ZNF473: variants seen among roughly 807,000 people sequenced by gnomAD.
The protein encoded by ZNF473 is zinc finger protein 100 homolog.
In ZNF473, 4 loss-of-function variants were observed where a neutral mutation model predicts 11.1. The ratio of observed to expected loss-of-function variants is 0.36; its 90% confidence interval spans 0.18 to 0.82. ZNF473 has a LOEUF of 0.82. Among genes scored for constraint, ZNF473 ranks in the 40% least tolerant of loss-of-function variants. The pLI, the probability that ZNF473 is intolerant of heterozygous loss-of-function variation, is 0.49. For synonymous variants in ZNF473, 404 were observed against 390.4 expected (o/e 1.03, Z -0.41); for missense variants, 854 against 1,084.0 (o/e 0.79, Z 2.98).
rs936714469 is a variant in ZNF473, at chr19:50,044,913, G to T, written c.470G>T (p.Ser157Ile). 1 of 1,614,120 alleles carries T rather than the reference G, an allele frequency of 6.2e-7. No homozygotes were observed. Among genetic ancestry groups the T allele is most frequent in the Non-Finnish European group, 8.5e-7 (1 of 1,180,050 alleles). The change falls in exon 5 of 5, where the codon AGT (serine) becomes ATT (isoleucine). Residue 157 changes from serine (S) to isoleucine (I), a missense_variant. Coordinates refer to ENST00000270617, the MANE Select transcript of ZNF473 (RefSeq NM_015428.4). ...CKSHELKRGL[S>I]PVSTVSTGED... ...AGTCATGAATTAAAGAGAGGACTCAGTCCTGTGTCCACCGTTTCCACGGGA... is the reference window on the plus strand; with the variant it reads ...AGTCATGAATTAAAGAGAGGACTCATTCCTGTGTCCACCGTTTCCACGGGA...
intron 2 of ZNF473, among the ~76,000 whole-genome samples, chr19:50,031,567 C>A (rs887681491): frequency 3.3e-5 from 5 of 152,130 alleles, no homozygotes; most frequent in Admixed American, 2.0e-4. Flanking sequence ...TCAGTTCCCC[C>A]ACCCTTCCCT....
intron 2 of ZNF473, among the ~76,000 whole-genome samples, chr19:50,034,555 C>T (rs1009093970): frequency 3.9e-5 from 6 of 152,080 alleles, no homozygotes; most frequent in East Asian, 1.9e-4. Context: ...ATAGCCCTCT[C>T]GCATCCCCAA....
chr19:50,031,899 T>C (rs941910839), intron 2 of ZNF473, among the ~76,000 whole-genome samples: 1 of 151,904 alleles, frequency 6.6e-6, no homozygotes, highest in African/African-American at 2.4e-5. Context: ...CCAGGAAGCT[T>C]TCCCTGACCT....
chr19:50,041,967 T>G lies in ZNF473; in HGVS notation c.226+148T>G, dbSNP rs1243795764. On this transcript the variant is annotated intron_variant, in intron 4 of 4. Coordinates refer to ENST00000270617, the MANE Select transcript of ZNF473 (RefSeq NM_015428.4). ...CTGCTTCTCGCTGGCTTCCATCCCC[T>G]TGTCCTGGGAGCTGGGGGGATCAGG... is the stretch of plus-strand genomic sequence containing the variant. The G allele has an allele frequency of 9.8e-6, 6 of 611,500 alleles. No individual in the cohort carries two copies. The East Asian group carries it at 1.6e-4, about 17-fold the overall frequency. The allele number at this position is 611,500 out of a possible 1,614,324, so 37.9% of individuals were successfully genotyped here.
At chr19:50,032,623 G>C (rs1034171404) in intron 2 of ZNF473, among the ~76,000 whole-genome samples, 6 of 152,112 alleles carry the variant, frequency 3.9e-5, no homozygotes, top group African/African-American at 1.4e-4. Context: ...ACTTTATTGC[G>C]GGTGACAGTG....
chr19:50,043,012 C>T (rs906325332), intron 4 of ZNF473, among the ~76,000 whole-genome samples: 6 of 152,136 alleles, frequency 3.9e-5, no homozygotes, highest in African/African-American at 1.4e-4. Context: ...GAGCCAAGAA[C>T]TGCACAAGGG....
Position 50,047,279 on chromosome 19 carries a change from TAA to T in ZNF473, c.*222_*223del, listed in dbSNP as rs1236373318. 24 of 510,288 alleles carry T rather than the reference TAA, an allele frequency of 4.7e-5. No homozygotes were observed. The highest frequency in any genetic ancestry group is 6.7e-5 in the Admixed American group (2 of 29,974). The allele number at this position is 510,288 out of a possible 1,614,324, so 31.6% of individuals were successfully genotyped here. A position where few individuals can be genotyped will look rare whatever the true frequency, so the allele number is the denominator to read the frequency against. On this transcript the variant is annotated 3_prime_UTR_variant, in exon 5 of 5. Transcript: ENST00000270617. ...GCTCTGGAGCCAGTCTACCTTGAGT[TAA>T]ATCCCACCTCTGCCATCTACTACCT...
rs926599940 is a variant in ZNF473, at chr19:50,044,800, C to T, written c.357C>T (p.Asp119=). 23 of 1,614,096 alleles carry T rather than the reference C, an allele frequency of 1.4e-5. No individual in the cohort carries two copies. In the East Asian group the frequency reaches 5.1e-4, roughly 36 times the overall value. Residue 119 remains aspartate, a synonymous_variant, in exon 5 of 5, where the codon GAC becomes GAT. Coordinates refer to ENST00000270617, the MANE Select transcript of ZNF473 (RefSeq NM_015428.4). ...ATTTCGGAGAAGCCTGTATAGAGGA[C>T]ACCTGGTTAGATAGTTTGCTAGGCG... is the stretch of plus-strand genomic sequence containing the variant. ...NSNFGEACIE[D]TWLDSLLGDP... is the part of the protein sequence containing the mutation.
chr19:50,041,991 G>C (rs965359283), intron 4 of ZNF473, 172 bp downstream of exon 4: 35 of 520,914 alleles, frequency 6.7e-5, no homozygotes, highest in Non-Finnish European at 7.7e-5. Flanking sequence ...GGGGGGATCA[G>C]GACATTTTTA....
Position 50,039,395 on chromosome 19 carries a change from A to G in ZNF473, c.136+108A>G. The G allele has an allele frequency of 7.0e-7, 1 of 1,426,060 alleles. No individual in the cohort carries two copies. The highest frequency in any genetic ancestry group is 2.4e-5 in the East Asian group (1 of 42,248). The allele number at this position is 1,426,060 out of a possible 1,614,324, so 88.3% of individuals were successfully genotyped here. A position where few individuals can be genotyped will look rare whatever the true frequency, so the allele number is the denominator to read the frequency against. On this transcript the variant is annotated intron_variant, in intron 3 of 4. Coordinates refer to ENST00000270617, the MANE Select transcript of ZNF473 (RefSeq NM_015428.4). This position sits in a 1 kb window ranked among gnomAD's most constrained non-coding sequence, Gnocchi z 4.8. ...CCTGGCTCCTGGGCTCCTCAGAATC[A>G]GCATGACCTAGCCCAGCAGTTCTCA...
rs1362511096 is a variant in ZNF473, at chr19:50,041,628, G to A, written c.137-102G>A. 7.8e-6 allele frequency: 8 copies of A among 1,029,156 alleles called. No individual in the cohort carries two copies. In the East Asian group the frequency reaches 1.3e-4, roughly 17 times the overall value. 63.8% of individuals were successfully genotyped at this position (1,029,156 alleles called of 1,614,324 possible). A position where few individuals can be genotyped will look rare whatever the true frequency, so the allele number is the denominator to read the frequency against. On this transcript the variant is annotated intron_variant, in intron 3 of 4. Transcript: ENST00000270617. ...CGTCCACACACAGGAGCCACGTGCA[G>A]GATAAAGCATAGAAAAGTCAGGAGA...
At chr19:50,029,906 C>T (rs137893677) in intron 1 of ZNF473, among the ~76,000 whole-genome samples, 7 of 151,602 alleles carry the variant, frequency 4.6e-5, no homozygotes, top group East Asian at 1.9e-4. Context: ...GGCTGGAGTG[C>T]GGTGGCACCA....
chr19:50,037,815 T>G (rs528939451), intron 2 of ZNF473, among the ~76,000 whole-genome samples: 64 of 149,714 alleles, frequency 4.3e-4, no homozygotes, highest in African/African-American at 1.4e-3. Context: ...TCTCTCTCTC[T>G]CTCGCTCGCT....
At position 50,045,590 on chromosome 19, in the gene ZNF473, A is replaced by T; in HGVS notation, c.1147A>T (p.Ile383Phe). The T allele has an allele frequency of 6.2e-7, 1 of 1,614,090 alleles. No individual in the cohort carries two copies. ...CTCTGAGTGTCAGGAGTGTGGGAAG[A>T]TTTTTAGGCACAGTTCGCTGCTCAT... The part of the protein sequence containing the change: ...TTSECQECGK[I>F]FRHSSLLIEH... The change falls in exon 5 of 5, where the codon ATT becomes TTT. Residue 383 changes from isoleucine (I) to phenylalanine (F), a missense_variant. By Grantham distance (21) the Ile-to-Phe change is conservative (BLOSUM62 0). Around this residue, in one of 2 missense-constraint regions of ZNF473, gnomAD observed 668 missense variants for 790.2 expected, o/e 0.85. Transcript: ENST00000270617.
In ZNF473 at chr19:50,041,884, A is replaced by T. The variant is rs556844330; in HGVS notation, c.226+65A>T. On this transcript the variant is annotated intron_variant, in intron 4 of 4. Transcript: ENST00000270617. ...TTCCAGACCTCCATCCTGAGGCTGCAGCCAGCTTTCCCACAGGTCTACCGA... is the reference window on the plus strand; with the variant it reads ...TTCCAGACCTCCATCCTGAGGCTGCTGCCAGCTTTCCCACAGGTCTACCGA... 2.1e-5 allele frequency: 28 copies of T among 1,359,158 alleles called. 1 individual carries two copies. The South Asian group carries it at 3.7e-4, about 18-fold the overall frequency. The allele number at this position is 1,359,158 out of a possible 1,614,324, so 84.2% of individuals were successfully genotyped here.
intron 2 of ZNF473, among the ~76,000 whole-genome samples, chr19:50,038,886 A>G (rs2278282): frequency 0.39 from 59,001 of 152,054 alleles, 12,550 homozygotes; most frequent in East Asian, 0.74. Flanking sequence ...GCAAAAGCGT[A>G]AAATAGATTT....
rs1271386181 is a variant in ZNF473 at position 50,031,017 on chromosome 19, T to G, written c.-66T>G. ...AGCTCCCTTGTGCTTCCCACAGCCC[T>G]GCCAGCCGGGAACACGGAGGGGAAG... is the stretch of plus-strand genomic sequence containing the variant. On this transcript the variant is annotated 5_prime_UTR_variant, in exon 2 of 5. Transcript: ENST00000270617. 4.5e-6 allele frequency: 7 copies of G among 1,552,404 alleles called. No homozygotes were observed. The highest frequency in any genetic ancestry group is 1.4e-5 in the African/African-American group (1 of 73,068).
intron 2 of ZNF473, among the ~76,000 whole-genome samples, chr19:50,037,836 G>C (rs1001332018): frequency 1.3e-4 from 20 of 149,566 alleles, no homozygotes; most frequent in South Asian, 1.0e-3. Context: ...CTCTCTCTCT[G>C]TATATATAAT....
At chr19:50,034,518 C>T (rs1346536946) in intron 2 of ZNF473, among the ~76,000 whole-genome samples, 1 of 152,096 alleles carries the variant, frequency 6.6e-6, no homozygotes. Context: ...TTGCCATCCA[C>T]CCCAGAAGTC....
Sources: gnomAD v4.1 joint callset for allele counts (sites outside exome capture counted in the v4.1 genomes callset) on GRCh38, gnomAD v4.1.1 for gene constraint, gnomAD v4.1.1 regional missense constraint, Gnocchi (gnomAD v3.1) non-coding constraint, MANE v1.5 for transcripts, NCBI Gene and HGNC (gene_info 2026-07-23, HGNC 2026-07-21) for gene names.